The following CEP128 variants were observed in gnomAD, a reference collection of about 807,000 sequenced individuals.
CEP128 encodes the protein centrosomal protein 128, also known as centrosomal protein 128kDa.
A neutral mutation model predicts 156.7 loss-of-function variants in CEP128; 132 were observed. The ratio of observed to expected loss-of-function variants is 0.84; its 90% CI spans 0.73 to 0.97. The LOEUF is 0.97. CEP128 is among the 50% of genes least tolerant of loss of function. The pLI, the probability that CEP128 is intolerant of heterozygous loss-of-function variation, is 0.00. For synonymous variants in CEP128, 469 were observed against 448.9 expected (o/e 1.04, Z -0.57); for missense variants, 1,252 against 1,281.9 (o/e 0.98, Z 0.36).
chr14:80,768,161 A>G (rs144970312), intron 16 of CEP128, among the ~76,000 whole-genome samples: 111 of 152,328 alleles, frequency 7.3e-4, no homozygotes, highest in African/African-American at 2.6e-3. Context: ...TCTGAACTCA[A>G]ATAACTTCTC....
At position 80,822,785 on chromosome 14, in the gene CEP128, G is replaced by C. The variant is rs1885259733; in HGVS notation, c.1209+8358C>G. On this transcript the variant is annotated intron_variant, in intron 13 of 24. Transcript: ENST00000555265. ...GGCACATAAAACTGAAGGTGCTGGAGACGCCAAGTGAAGTGTGTGCATTTT... is the reference window on the plus strand; with the variant it reads ...GGCACATAAAACTGAAGGTGCTGGACACGCCAAGTGAAGTGTGTGCATTTT... 4 of 755,652 alleles carry C rather than the reference G, an allele frequency of 5.3e-6. No homozygotes were observed. In the Admixed American group the frequency reaches 6.8e-5, roughly 13 times the overall value. 46.8% of individuals were successfully genotyped at this position (755,652 alleles called of 1,614,324 possible). A position where few individuals can be genotyped will look rare whatever the true frequency, so the allele number is the denominator to read the frequency against.
rs77164351 is a variant in CEP128 at position 80,840,551 on chromosome 14, T to A, written c.849+131A>T. ...GCAAGTAGAAGAGCCGTTGAACCAA[T>A]TGACTCCACATAGAAAGATAAAGAA... On this transcript the variant is annotated intron_variant, in intron 10 of 24. Coordinates refer to ENST00000555265, the MANE Select transcript of CEP128 (RefSeq NM_152446.5). 23 of 566,932 alleles carry A rather than the reference T, an allele frequency of 4.1e-5. No homozygotes were observed. The Admixed American group carries it at 7.8e-4, about 19-fold the overall frequency. 35.1% of individuals were successfully genotyped at this position (566,932 alleles called of 1,614,324 possible).
chr14:80,815,618 T>C (rs1429774634), intron 13 of CEP128, among the ~76,000 whole-genome samples: 1 of 152,260 alleles, frequency 6.6e-6, no homozygotes, highest in Admixed American at 6.5e-5. Flanking sequence ...CCTGCACTTG[T>C]ATGTTTATTG....
chr14:80,746,246 T>A (rs888368225), intron 18 of CEP128, among the ~76,000 whole-genome samples: 2 of 152,156 alleles, frequency 1.3e-5, no homozygotes, highest in African/African-American at 4.8e-5. Flanking sequence ...ATGTTTCATA[T>A]GGGAATTCAA....
rs552170981 is a variant in CEP128 at position 80,631,448 on chromosome 14, G to A, written c.2807-51025C>T. 3.2e-4 allele frequency among the ~76,000 whole-genome samples: 48 copies of A among 152,146 alleles called. No individual in the cohort carries two copies. The South Asian group carries it at 9.7e-3, about 31-fold the overall frequency. On this transcript the variant is annotated intron_variant, in intron 19 of 24. Transcript: ENST00000555265. ...CTGGTCTAAAGAACTTAGCGAGATA[G>A]CAGATAAAATTCAAATATTACAGGC...
At chr14:80,721,949 G>C (rs1267057839) in intron 19 of CEP128, among the ~76,000 whole-genome samples, 1 of 152,182 alleles carries the variant, frequency 6.6e-6, no homozygotes, top group African/African-American at 2.4e-5. Context: ...GTCACATACT[G>C]TGCTAGTCAT....
intron 2 of CEP128, among the ~76,000 whole-genome samples, chr14:80,922,646 G>A (rs942299536): frequency 6.6e-6 from 1 of 152,068 alleles, no homozygotes; most frequent in Non-Finnish European, 1.5e-5. Context: ...GCGCAAAGAC[G>A]AATTATTAAG....
At chr14:80,775,459 CATATA>C (rs1400775968) in intron 16 of CEP128, among the ~76,000 whole-genome samples, 2 of 152,186 alleles carry the variant, frequency 1.3e-5, no homozygotes, top group Non-Finnish European at 1.5e-5. Flanking sequence ...ATATAAACTA[CATATA>C]ATATAAGCAT....
chr14:80,837,500 G>T (rs142372477), intron 11 of CEP128, among the ~76,000 whole-genome samples: 1 of 152,148 alleles, frequency 6.6e-6, no homozygotes, highest in Admixed American at 6.5e-5. Context: ...GGGGAATCAC[G>T]AAGTCAGGAG....
At chr14:80,893,899 A>C (rs1889224571) in intron 8 of CEP128, among the ~76,000 whole-genome samples, 1 of 152,030 alleles carries the variant, frequency 6.6e-6, no homozygotes, top group African/African-American at 2.4e-5. Context: ...TGACAAAGAT[A>C]CGACTGTAAA....
At chr14:80,753,974 T>C (rs957175928) in intron 18 of CEP128, among the ~76,000 whole-genome samples, 3 of 152,192 alleles carry the variant, frequency 2.0e-5, no homozygotes, top group Non-Finnish European at 2.9e-5. Context: ...TCTCACTGTA[T>C]GGGAAAAGCT....
intron 20 of CEP128, among the ~76,000 whole-genome samples, chr14:80,561,457 G>A (rs1363366879): frequency 6.6e-6 from 1 of 152,106 alleles, no homozygotes; most frequent in Non-Finnish European, 1.5e-5. Context: ...AAACCATTCA[G>A]CAATACTTTA....
intron 19 of CEP128, among the ~76,000 whole-genome samples, chr14:80,601,022 A>G (rs1170138189): frequency 6.6e-6 from 1 of 152,108 alleles, no homozygotes; most frequent in African/African-American, 2.4e-5. Flanking sequence ...CATGAAGAAG[A>G]AAAATCATTA....
intron 23 of CEP128, among the ~76,000 whole-genome samples, chr14:80,522,587 ATT>A (rs1888794060): frequency 6.6e-6 from 1 of 152,244 alleles, no homozygotes; most frequent in African/African-American, 2.4e-5. Context: ...GCCTTCTGCA[ATT>A]TTACTAAAAA....
At chr14:80,821,743 A>G (rs181701747) in intron 13 of CEP128, among the ~76,000 whole-genome samples, 4 of 151,640 alleles carry the variant, frequency 2.6e-5, no homozygotes, top group South Asian at 2.1e-4. Flanking sequence ...TGGTGTGAAC[A>G]TGGCTCACTG....
intron 9 of CEP128, among the ~76,000 whole-genome samples, chr14:80,852,849 G>T (rs1003241996): frequency 6.6e-6 from 1 of 151,616 alleles, no homozygotes; most frequent in South Asian, 2.1e-4. Flanking sequence ...AACCAAAAAC[G>T]TCAGTGCAAG....
At chr14:80,766,269 G>C (rs1053852383) in intron 16 of CEP128, among the ~76,000 whole-genome samples, 1 of 152,122 alleles carries the variant, frequency 6.6e-6, no homozygotes, top group African/African-American at 2.4e-5. Flanking sequence ...GACAAGAAAG[G>C]CTCATATTGT....
chr14:80,501,204 G>A (rs1321542402), intron 24 of CEP128, among the ~76,000 whole-genome samples: 1 of 152,136 alleles, frequency 6.6e-6, no homozygotes, highest in Non-Finnish European at 1.5e-5. Context: ...GACCCACACT[G>A]AGGCACATCA....
intron 19 of CEP128, among the ~76,000 whole-genome samples, chr14:80,720,184 A>G (rs1005904984): frequency 3.3e-5 from 5 of 152,122 alleles, no homozygotes; most frequent in African/African-American, 1.2e-4. Flanking sequence ...TATAAGAGAA[A>G]CAAAAATAAG....
Sources: allele counts gnomAD v4.1 joint callset (sites outside exome capture counted in the v4.1 genomes callset), GRCh38; gene constraint gnomAD v4.1.1; transcripts MANE v1.5; gene names NCBI Gene and HGNC (gene_info 2026-07-23, HGNC 2026-07-21).